The following PHF21A variants were observed in gnomAD, a reference collection of about 807,000 sequenced individuals.
PHF21A encodes the protein PHD finger protein 21A.
A neutral mutation model predicts 82.5 loss-of-function variants in PHF21A; 11 were observed. The observed-to-expected ratio is 0.13, with a 90% CI of 0.08 to 0.22. The LOEUF is 0.22. Ranked by LOEUF, PHF21A falls within the 10% of genes least tolerant of loss-of-function variation. The pLI, the probability that PHF21A is intolerant of heterozygous loss-of-function variation, is 1.00. For synonymous variants in PHF21A, 297 were observed against 302.8 expected (o/e 0.98, Z 0.20); for missense variants, 579 against 837.8 (o/e 0.69, Z 3.81).
intron 1 of PHF21A, among the ~76,000 whole-genome samples, chr11:46,102,137 C>T (rs968670428): frequency 4.6e-5 from 7 of 151,452 alleles, no homozygotes; most frequent in African/African-American, 2.4e-5. Flanking sequence ...ATTACAGGCG[C>T]GAGCCACCAC....
At chr11:46,077,036 C>T (rs1363793342) in intron 5 of PHF21A, among the ~76,000 whole-genome samples, 1 of 152,192 alleles carries the variant, frequency 6.6e-6, no homozygotes, top group Admixed American at 6.5e-5. Flanking sequence ...AGCTCCTCTG[C>T]AACTGTTTTA....
chr11:45,987,251 A>AATGT (rs57573859), intron 6 of PHF21A, among the ~76,000 whole-genome samples: 60,757 of 148,402 alleles, frequency 0.41, 15,308 homozygotes, highest in Non-Finnish European at 0.55. Flanking sequence ...ATCATAAATA[A>AATGT]ATGTATGTAT....
rs2089086419 is a variant in PHF21A at position 45,936,484 on chromosome 11, A to G, written c.1684+10T>C. 2 of 1,572,564 alleles carry G rather than the reference A, an allele frequency of 1.3e-6. No individual in the cohort carries two copies. Among genetic ancestry groups the G allele is most frequent in the African/African-American group, 2.7e-5 (2 of 73,946 alleles). On this transcript the variant is annotated intron_variant, in intron 17 of 18. Coordinates refer to ENST00000676320, the MANE Select transcript of PHF21A (RefSeq NM_001352027.3). ...AGCTTACAAAAAAGTGGGTATGGAT[A>G]ACTCCTTACCTGCTTTGTAGGCAAT...
chr11:46,034,560 C>T (rs886301669), intron 6 of PHF21A, among the ~76,000 whole-genome samples: 8 of 151,950 alleles, frequency 5.3e-5, no homozygotes, highest in Non-Finnish European at 1.2e-4. Flanking sequence ...ATCTCTAATC[C>T]ACTTTAAATT....
chr11:46,002,004 A>G (rs891185603), intron 6 of PHF21A, among the ~76,000 whole-genome samples: 5 of 152,236 alleles, frequency 3.3e-5, no homozygotes, highest in African/African-American at 1.2e-4. Context: ...CATTTCTAGA[A>G]GTGGTTCGGA....
rs371144813 is a variant in PHF21A, at chr11:45,935,303, G to A, written c.1788+333C>T. The A allele has an allele frequency of 3.5e-5, 45 of 1,271,024 alleles. 1 individual carries two copies. In the East Asian group the frequency reaches 9.1e-4, roughly 26 times the overall value. 78.7% of individuals were successfully genotyped at this position (1,271,024 alleles called of 1,614,324 possible). On this transcript the variant is annotated intron_variant, in intron 18 of 18. Transcript: ENST00000676320. ...GTGTCTGCTCAGTGTCAGGTGAGGC[G>A]CTACACTCCCCCCACACACTGTCAG...
rs565858503 is a variant in PHF21A at position 46,121,413 on chromosome 11, G to C, written c.-715C>G. 8.0e-5 allele frequency among the ~76,000 whole-genome samples: 12 copies of C among 150,874 alleles called. No individual in the cohort carries two copies. The highest frequency in any genetic ancestry group is 2.9e-4 in the African/African-American group (12 of 41,192). ...TCCTCCTCCTCTCAGCAGCAGCAGC[G>C]AGCACCACCAGCCCATTCACCACCC... is the stretch of plus-strand genomic sequence containing the variant. On this transcript the variant is annotated 5_prime_UTR_variant, in exon 1 of 19. Coordinates refer to ENST00000676320, the MANE Select transcript of PHF21A (RefSeq NM_001352027.3).
At chr11:45,944,161 T>C (rs1383198164) in intron 15 of PHF21A, among the ~76,000 whole-genome samples, 1 of 152,228 alleles carries the variant, frequency 6.6e-6, no homozygotes, top group East Asian at 1.9e-4. Context: ...ATATTTTATA[T>C]AGTAATATTT....
chr11:45,980,483 T>C (rs1352191590), intron 6 of PHF21A, among the ~76,000 whole-genome samples: 3 of 152,228 alleles, frequency 2.0e-5, no homozygotes, highest in Non-Finnish European at 2.9e-5. Flanking sequence ...AGAACTGTGA[T>C]TGGCACATTG....
intron 11 of PHF21A, among the ~76,000 whole-genome samples, chr11:45,952,650 G>T (rs1461457412): frequency 6.6e-6 from 1 of 152,142 alleles, no homozygotes; most frequent in Non-Finnish European, 1.5e-5. Context: ...ATATCAGAAA[G>T]AATTACATTT....
chr11:46,056,446 A>T (rs1434612255), intron 6 of PHF21A, among the ~76,000 whole-genome samples: 1 of 152,180 alleles, frequency 6.6e-6, no homozygotes, highest in African/African-American at 2.4e-5. Flanking sequence ...AAATCCTGAT[A>T]GTTCTCAAAT....
At chr11:45,946,477 G>A (rs1008652029) in intron 14 of PHF21A, among the ~76,000 whole-genome samples, 102 of 152,220 alleles carry the variant, frequency 6.7e-4, no homozygotes, top group Admixed American at 1.4e-3. Context: ...TCCGCCTCCC[G>A]GGTTCAAGCC....
chr11:46,029,841 TTA>T (rs1432325033), intron 6 of PHF21A, among the ~76,000 whole-genome samples: 1 of 152,142 alleles, frequency 6.6e-6, no homozygotes, highest in Non-Finnish European at 1.5e-5. Context: ...CCACCTGCAG[TTA>T]TACAGTAAAA....
At chr11:46,088,683 A>G (rs2096885027) in intron 3 of PHF21A, among the ~76,000 whole-genome samples, 1 of 152,230 alleles carries the variant, frequency 6.6e-6, no homozygotes, top group Admixed American at 6.5e-5. Flanking sequence ...AGGCAAAATT[A>G]TATGAAAAGC....
intron 3 of PHF21A, among the ~76,000 whole-genome samples, chr11:46,086,511 T>C (rs1490956342): frequency 6.6e-6 from 1 of 152,230 alleles, no homozygotes; most frequent in Admixed American, 6.5e-5. Context: ...TTTGTTATCA[T>C]GTAAGCTTAC....
At chr11:46,008,957 T>C (rs537585290) in intron 6 of PHF21A, among the ~76,000 whole-genome samples, 129 of 150,310 alleles carry the variant, frequency 8.6e-4, no homozygotes, top group African/African-American at 3.1e-3. Context: ...CTCAACAAAT[T>C]GGTTCACATT....
At chr11:45,940,664 C>G (rs1302108677) in intron 15 of PHF21A, among the ~76,000 whole-genome samples, 2 of 35,038 alleles carry the variant, frequency 5.7e-5, no homozygotes, top group Non-Finnish European at 1.5e-4. Context: ...TTATTAAAAT[C>G]AGGCTGAGGG....
rs1204751717 is a variant in PHF21A at position 45,971,365 on chromosome 11, C to A, written c.363G>T (p.Lys121Asn). The A allele has an allele frequency of 6.2e-7, 1 of 1,612,368 alleles. No homozygotes were observed. The highest frequency in any genetic ancestry group is 1.3e-5 in the African/African-American group (1 of 74,834). The change falls in exon 8 of 19, where the codon AAG becomes AAT. Residue 121 changes from lysine (K) to asparagine (N), a missense_variant and splice_region_variant. Transcript: ENST00000676320. ...AASPNLTASQ[K>N]TVTTASMITT... ...TAATCATAGAAGCTGTAGTTACAGTCTTCTAGGAGACAGGGAAAACAGATA... is the reference window on the plus strand; with the variant it reads ...TAATCATAGAAGCTGTAGTTACAGTATTCTAGGAGACAGGGAAAACAGATA...
chr11:45,945,741 T>G, intron 15 of PHF21A, 99 bp downstream of exon 15: 1 of 976,376 alleles, frequency 1.0e-6, no homozygotes, highest in Non-Finnish European at 1.5e-6. Flanking sequence ...GTTCCAGGGT[T>G]AGTCAAGAAG....
Sources: allele counts gnomAD v4.1 joint callset (sites outside exome capture counted in the v4.1 genomes callset), GRCh38; gene constraint gnomAD v4.1.1; transcripts MANE v1.5; gene names NCBI Gene and HGNC (gene_info 2026-07-23, HGNC 2026-07-21).